Variants in SH3PXD2B observed in about 807,000 individuals in gnomAD.
SH3PXD2B encodes the protein SH3 and PX domains 2B.
In SH3PXD2B, 37 loss-of-function variants were observed where a neutral mutation model predicts 73.1. The observed-to-expected ratio is 0.51, with a 90% CI of 0.39 to 0.67. The LOEUF is 0.67. SH3PXD2B is among the 30% of genes least tolerant of loss of function. The pLI is 0.00. For synonymous variants in SH3PXD2B, 457 were observed against 480.5 expected (o/e 0.95, Z 0.64); for missense variants, 1,053 against 1,197.8 (o/e 0.88, Z 1.78).
intron 2 of SH3PXD2B, among the ~76,000 whole-genome samples, chr5:172,416,678 G>GTCTC (rs202035580): frequency 1.8e-5 from 2 of 111,794 alleles, no homozygotes; most frequent in East Asian, 2.4e-4. Flanking sequence ...GAGACTGTGA[G>GTCTC]TCTCTCTCTC....
At chr5:172,379,119 A>G (rs1163020357) in intron 5 of SH3PXD2B, among the ~76,000 whole-genome samples, 2 of 150,178 alleles carry the variant, frequency 1.3e-5, no homozygotes, top group Admixed American at 6.7e-5. Context: ...AACTGAATTC[A>G]TATATTGAAA....
At chr5:172,345,997 T>C (rs181567901) in intron 12 of SH3PXD2B, 139 bp downstream of exon 12, 13 of 1,317,618 alleles carry the variant, frequency 9.9e-6, no homozygotes, top group South Asian at 8.3e-5. Context: ...GTAAACTGTA[T>C]GGTATGTGAA....
chr5:172,355,548 C>A (rs2436413), intron 8 of SH3PXD2B, among the ~76,000 whole-genome samples: 2 of 140,270 alleles, frequency 1.4e-5, no homozygotes, highest in South Asian at 2.3e-4. Context: ...ATTTTCTTTT[C>A]TTTTTTTTTT....
intron 1 of SH3PXD2B, among the ~76,000 whole-genome samples, chr5:172,432,042 G>C (rs1239572870): frequency 6.6e-6 from 1 of 152,094 alleles, no homozygotes; most frequent in Non-Finnish European, 1.5e-5. Context: ...CCAGGCGGGT[G>C]GGCGCCTGTA....
Position 172,421,656 on chromosome 5 carries a change from G to T in SH3PXD2B, c.156+760C>A, listed in dbSNP as rs1758966168. Among the ~76,000 whole-genome samples, 1 of 152,306 alleles carries T rather than the reference G, an allele frequency of 6.6e-6. No homozygotes were observed. The highest frequency in any genetic ancestry group is 2.1e-4 in the South Asian group (1 of 4,824). ...ATGAGAGTCCTGAAGGGCAGAAGGG[G>T]TTACTGGAGCCATGAGTGAGCCGGG... On this transcript the variant is annotated intron_variant, in intron 2 of 12. Coordinates refer to ENST00000311601, the MANE Select transcript of SH3PXD2B (RefSeq NM_001017995.3). The surrounding 1 kb of genome is among the most constrained non-coding windows in gnomAD (Gnocchi z 4.0).
intron 1 of SH3PXD2B, among the ~76,000 whole-genome samples, chr5:172,442,174 T>G (rs1283036323): frequency 1.3e-5 from 2 of 152,148 alleles, no homozygotes; most frequent in Non-Finnish European, 2.9e-5. Context: ...TGGAGAAAGG[T>G]AAGGCCCAAG....
intron 10 of SH3PXD2B, among the ~76,000 whole-genome samples, chr5:172,349,852 T>G (rs988995849): frequency 5.9e-5 from 9 of 151,872 alleles, no homozygotes; most frequent in Admixed American, 2.6e-4. Flanking sequence ...CGCCTCCCCT[T>G]TTTTTTTCTT....
chr5:172,401,994 C>A (rs1758430169), intron 3 of SH3PXD2B, among the ~76,000 whole-genome samples: 1 of 152,218 alleles, frequency 6.6e-6, no homozygotes, highest in Non-Finnish European at 1.5e-5. Flanking sequence ...GTTGAGGGAA[C>A]AAGGGAGATA....
intron 1 of SH3PXD2B, among the ~76,000 whole-genome samples, chr5:172,446,565 T>C (rs189415256): frequency 2.5e-4 from 38 of 152,240 alleles, no homozygotes; most frequent in African/African-American, 8.9e-4. Context: ...AGGACGTGAG[T>C]GTCACGGCGG....
intron 2 of SH3PXD2B, among the ~76,000 whole-genome samples, chr5:172,415,631 C>T (rs1181689553): frequency 6.6e-6 from 1 of 152,210 alleles, no homozygotes; most frequent in East Asian, 1.9e-4. Context: ...TGGCACATTC[C>T]AGTTAGTGAC....
Position 172,419,853 on chromosome 5 carries a change from G to A in SH3PXD2B, c.156+2563C>T, listed in dbSNP as rs554540807. On this transcript the variant is annotated intron_variant, in intron 2 of 12. Transcript: ENST00000311601. ...TCAGGCAGGCAAGAGGCCTCTGAAA[G>A]CAAAATACAGGTAGCCCTCCCTATC... Among the ~76,000 whole-genome samples the A allele has an allele frequency of 4.6e-5, 7 of 152,336 alleles. No individual in the cohort carries two copies. In the East Asian group the frequency reaches 1.3e-3, roughly 29 times the overall value.
At chr5:172,378,802 G>A (rs543026888) in intron 5 of SH3PXD2B, among the ~76,000 whole-genome samples, 1 of 152,308 alleles carries the variant, frequency 6.6e-6, no homozygotes, top group East Asian at 1.9e-4. Context: ...CGGGCATGGT[G>A]GCTCATGCCT....
chr5:172,325,473 C>G, intron 12 of SH3PXD2B: 1 of 743,630 alleles, frequency 1.3e-6, no homozygotes, highest in South Asian at 1.6e-5. Context: ...TTGTCTATAA[C>G]AGCATACCGC....
intron 1 of SH3PXD2B, among the ~76,000 whole-genome samples, chr5:172,429,129 C>T (rs1173586176): frequency 6.6e-6 from 1 of 152,198 alleles, no homozygotes; most frequent in Admixed American, 6.5e-5. Context: ...GTGGAAAAAT[C>T]TAGGCTTCGT....
chr5:172,431,951 C>T (rs770423363), intron 1 of SH3PXD2B, among the ~76,000 whole-genome samples: 1 of 152,076 alleles, frequency 6.6e-6, no homozygotes, highest in Non-Finnish European at 1.5e-5. Context: ...CCAAGGTGAG[C>T]GGATCACCTG....
intron 1 of SH3PXD2B, among the ~76,000 whole-genome samples, chr5:172,423,943 C>T (rs1430581051): frequency 7.2e-5 from 11 of 152,208 alleles, no homozygotes; most frequent in Middle Eastern, 6.8e-3. Context: ...GCGCCCGGCC[C>T]GCCCTGGGAC....
Position 172,382,056 on chromosome 5 carries a change from C to A in SH3PXD2B, c.381G>T (p.Glu127Asp), listed in dbSNP as rs1477888417. 6.2e-7 allele frequency: 1 copy of A among 1,612,068 alleles called. No individual in the cohort carries two copies. The highest frequency in any genetic ancestry group is 8.5e-7 in the Non-Finnish European group (1 of 1,179,350). Residue 127 changes from glutamate to aspartate, a missense_variant, in exon 5 of 13, where the codon GAG (glutamate) becomes GAT (aspartate). Physicochemically the swap from Glu to Asp is conservative, Grantham distance 45 (BLOSUM62 2). This residue lies in a region of SH3PXD2B where 466 missense variants were observed against 607.1 expected (regional missense o/e 0.77). Coordinates refer to ENST00000311601, the MANE Select transcript of SH3PXD2B (RefSeq NM_001017995.3). ...CTTACTCTTTGGGGGGATTCAGGTC[C>A]TCAGGTCTTGTCTCAAAGAACTGCA... ...EVLQFFETRP[E>D]DLNPPKEEHI...
chr5:172,327,704 T>G (rs1756470345), intron 12 of SH3PXD2B, among the ~76,000 whole-genome samples: 1 of 151,800 alleles, frequency 6.6e-6, no homozygotes. Context: ...CCCTCCTGTC[T>G]CAGCTTCCTG....
At chr5:172,363,378 G>A (rs1433215363) in intron 6 of SH3PXD2B, among the ~76,000 whole-genome samples, 2 of 152,060 alleles carry the variant, frequency 1.3e-5, no homozygotes, top group Admixed American at 6.5e-5. Flanking sequence ...AGAGTACAAC[G>A]GTGAATAAAA....
Sources: allele counts gnomAD v4.1 joint callset (sites outside exome capture counted in the v4.1 genomes callset), GRCh38; gene constraint gnomAD v4.1.1; regional missense constraint gnomAD v4.1.1; non-coding constraint Gnocchi (gnomAD v3.1); transcripts MANE v1.5; gene names NCBI Gene and HGNC (gene_info 2026-07-23, HGNC 2026-07-21).